Variants in ODAD4 observed in about 807,000 individuals in gnomAD.
ODAD4 encodes the protein outer dynein arm docking complex subunit 4.
In ODAD4, 49 loss-of-function variants were observed where a neutral mutation model predicts 51.8. The ratio of observed to expected loss-of-function variants is 0.95; its 90% confidence interval spans 0.75 to 1.20. ODAD4 has a LOEUF of 1.20. ODAD4 is among the 50% of genes most tolerant of loss of function. The probability of loss-of-function intolerance (pLI) is 0.00; values close to 1 mark genes in which losing one functional copy is unlikely to be tolerated. For missense variants in ODAD4, 590 were observed against 586.5 expected (o/e 1.01, Z -0.06); for synonymous variants, 235 against 221.3 (o/e 1.06, Z -0.55).
Position 41,938,608 on chromosome 17 carries a change from T to C in ODAD4, c.677T>C (p.Met226Thr). The C allele has an allele frequency of 6.2e-7, 1 of 1,613,936 alleles. No individual in the cohort carries two copies. Among genetic ancestry groups the C allele is most frequent in the Non-Finnish European group, 8.5e-7 (1 of 1,179,884 alleles). ...GGCCTGACTGTGGAGGACCTCATCA[T>C]GACGGGCATCAACTACCTGGATACT... ...KGGLTVEDLI[M>T]TGINYLDTHS... The change falls in exon 6 of 12, where the codon ATG (methionine) becomes ACG (threonine). Residue 226 changes from methionine to threonine, a missense_variant. Met to Thr is a moderately conservative substitution (Grantham distance 81). Around this residue, in one of 3 missense-constraint regions of ODAD4, gnomAD observed 360 missense variants for 407.5 expected, o/e 0.88. Transcript: ENST00000377540.
rs2050618337 is a variant in ODAD4 at position 41,948,723 on chromosome 17, C to T, written c.1146-430C>T. On this transcript the variant is annotated intron_variant, in intron 8 of 11. Transcript: ENST00000377540. ...TGGCATAATCTTGGCTCACTGCAAC[C>T]TCCACCTCCCGGGTTCAAGTGATTC... Among the ~76,000 whole-genome samples, 6 of 151,452 alleles carry T rather than the reference C, an allele frequency of 4.0e-5. No individual in the cohort carries two copies. In the South Asian group the frequency reaches 1.3e-3, roughly 32 times the overall value.
intron 5 of ODAD4, chr17:41,937,172 A>G (rs1268440922): frequency 1.1e-5 from 5 of 472,722 alleles, no homozygotes; most frequent in Admixed American, 1.0e-4. Context: ...TTTTAGAGCA[A>G]TGCTCCTAAG....
At chr17:41,962,927 C>A (rs972026434) in intron 11 of ODAD4, among the ~76,000 whole-genome samples, 5 of 152,250 alleles carry the variant, frequency 3.3e-5, no homozygotes, top group South Asian at 2.1e-4. Flanking sequence ...ACCTGAGCAG[C>A]CAGATGACAG....
intron 7 of ODAD4, among the ~76,000 whole-genome samples, chr17:41,943,035 T>C (rs2050528491): frequency 1.3e-5 from 2 of 152,068 alleles, no homozygotes; most frequent in African/African-American, 4.8e-5. Context: ...CGTTTTGTTT[T>C]TACACAAGTA....
chr17:41,937,045 AG>A (rs2050439671), intron 5 of ODAD4, 118 bp downstream of exon 5: 1 of 1,217,290 alleles, frequency 8.2e-7, no homozygotes, highest in Admixed American at 2.2e-5. Flanking sequence ...ACCTGTGGAC[AG>A]GTTTTATTAG....
Position 41,939,168 on chromosome 17 carries a change from G to C in ODAD4, c.1054G>C (p.Glu352Gln). The C allele has an allele frequency of 6.2e-7, 1 of 1,613,206 alleles. No individual in the cohort carries two copies. The highest frequency in any genetic ancestry group is 1.1e-5 in the South Asian group (1 of 90,982). ...CAGAAAGGACCTGGAGATCGCCAAG[G>C]AATAGTGAGTGCCCTAGGGGAGGCC... Reference protein sequence around the residue: ...SHRKDLEIAKEYDLPDAKSRA... With the variant: ...SHRKDLEIAKQYDLPDAKSRA... The change falls in exon 7 of 12, where the codon GAA becomes CAA. Residue 352 changes from glutamate to glutamine, a missense_variant. Physicochemically the swap from Glu to Gln is conservative, Grantham distance 29. Coordinates refer to ENST00000377540, the MANE Select transcript of ODAD4 (RefSeq NM_031421.5).
At chr17:41,936,648 G>A in intron 4 of ODAD4, 114 bp downstream of exon 4, 1 of 1,527,636 alleles carries the variant, frequency 6.5e-7, no homozygotes, top group South Asian at 1.1e-5. Flanking sequence ...GTGACTCTTG[G>A]CCCACAGAAA....
chr17:41,933,388 T>A (rs1291215492), intron 1 of ODAD4, among the ~76,000 whole-genome samples: 1 of 147,912 alleles, frequency 6.8e-6, no homozygotes, highest in Non-Finnish European at 1.5e-5. Flanking sequence ...AGGTGGCTCA[T>A]GCCTGTAATC....
At chr17:41,950,104 G>C (rs2050634008) in intron 9 of ODAD4, among the ~76,000 whole-genome samples, 1 of 151,902 alleles carries the variant, frequency 6.6e-6, no homozygotes, top group Non-Finnish European at 1.5e-5. Context: ...AGGGTAGCTG[G>C]GATTACAGGC....
At chr17:41,946,604 C>T (rs1002331189) in intron 8 of ODAD4, among the ~76,000 whole-genome samples, 3 of 152,208 alleles carry the variant, frequency 2.0e-5, no homozygotes, top group Admixed American at 6.5e-5. Context: ...GGATTACAGG[C>T]GTGAGCCACC....
intron 9 of ODAD4, among the ~76,000 whole-genome samples, chr17:41,953,556 C>G (rs1480303811): frequency 2.6e-5 from 4 of 152,036 alleles, no homozygotes; most frequent in Non-Finnish European, 5.9e-5. Flanking sequence ...CGCCTGTAAT[C>G]CCAGCACTTT....
At chr17:41,931,050 T>G (rs1245881237) in intron 1 of ODAD4, among the ~76,000 whole-genome samples, 1 of 151,922 alleles carries the variant, frequency 6.6e-6, no homozygotes, top group Non-Finnish European at 1.5e-5. Flanking sequence ...CGTGCCACCA[T>G]GCCCGGCTAA....
chr17:41,937,742 G>A (rs2050447821), intron 5 of ODAD4, among the ~76,000 whole-genome samples: 1 of 151,936 alleles, frequency 6.6e-6, no homozygotes, highest in Admixed American at 6.6e-5. Flanking sequence ...AAAGTGCTGG[G>A]ATTACAGGTG....
intron 7 of ODAD4, among the ~76,000 whole-genome samples, chr17:41,941,264 C>A (rs1276479182): frequency 6.6e-6 from 1 of 152,196 alleles, no homozygotes; most frequent in Non-Finnish European, 1.5e-5. Context: ...AATTTCAATG[C>A]CCTGCTCAAC....
Position 41,938,568 on chromosome 17 carries a change from G to A in ODAD4, c.637G>A (p.Gly213Ser). The A allele has an allele frequency of 6.2e-7, 1 of 1,613,784 alleles. No homozygotes were observed. The highest frequency in any genetic ancestry group is 8.5e-7 in the Non-Finnish European group (1 of 1,179,850). Residue 213 changes from glycine (G) to serine (S), a missense_variant, in exon 6 of 12, where the codon GGC becomes AGC. Around this residue, in one of 3 missense-constraint regions of ODAD4, gnomAD observed 360 missense variants for 407.5 expected, o/e 0.88. Coordinates refer to ENST00000377540, the MANE Select transcript of ODAD4 (RefSeq NM_031421.5). ...KLLLDEDLIKGTMKGGLTVED... is the reference protein window; with the variant it reads ...KLLLDEDLIKSTMKGGLTVED... ...CCCCTTCCCCACAGACCTGATCAAAGGCACCATGAAGGGCGGCCTGACTGT... is the reference window on the plus strand; with the variant it reads ...CCCCTTCCCCACAGACCTGATCAAAAGCACCATGAAGGGCGGCCTGACTGT...
intron 1 of ODAD4, 23 bp downstream of exon 1, chr17:41,930,860 C>T (rs1382536805): frequency 2.5e-5 from 22 of 880,112 alleles, no homozygotes; most frequent in Non-Finnish European, 3.8e-5. Flanking sequence ...CTCAACCTAT[C>T]CATCACCCCA....
At chr17:41,963,923 T>G in intron 11 of ODAD4, among the ~76,000 whole-genome samples, 1 of 146,138 alleles carries the variant, frequency 6.8e-6, no homozygotes. Context: ...TGAAATGGAG[T>G]CTCCCCTCTG....
chr17:41,944,421 CACACACACACACACACACACA>C (rs2050551381), intron 7 of ODAD4, among the ~76,000 whole-genome samples: 1 of 14,294 alleles, frequency 7.0e-5, no homozygotes, highest in African/African-American at 1.3e-4. Context: ...CACACACACA[CACACACACACACACACACACA>C]CACCCCCCCG....
At chr17:41,958,547 A>C (rs926981996) in intron 10 of ODAD4, among the ~76,000 whole-genome samples, 4 of 151,766 alleles carry the variant, frequency 2.6e-5, no homozygotes, top group Admixed American at 2.6e-4. Context: ...CTGTAGTCCC[A>C]GCTACTTGGG....
Sources: allele counts gnomAD v4.1 joint callset (sites outside exome capture counted in the v4.1 genomes callset), GRCh38; gene constraint gnomAD v4.1.1; regional missense constraint gnomAD v4.1.1; transcripts MANE v1.5; gene names NCBI Gene and HGNC (gene_info 2026-07-23, HGNC 2026-07-21).